ZNF285: variants seen among roughly 807,000 people sequenced by gnomAD.
ZNF285 encodes zinc finger protein 285, also known as zinc finger protein 285A.
Under a neutral mutation model 6.2 loss-of-function variants are expected in ZNF285, and 4 were observed. That is an observed-to-expected ratio of 0.65 (90% CI 0.32 to 1.49). The LOEUF (loss-of-function observed/expected upper bound fraction) is 1.49. ZNF285 is among the 40% of genes most tolerant of loss of function. The probability of loss-of-function intolerance (pLI) is 0.07; values close to 1 mark genes in which losing one functional copy is unlikely to be tolerated. For missense variants in ZNF285, 695 were observed against 708.8 expected (o/e 0.98, Z 0.22); for synonymous variants, 240 against 245.8 (o/e 0.98, Z 0.22).
intron 3 of ZNF285, 65 bp downstream of exon 3, chr19:44,392,275 T>C: frequency 1.2e-6 from 2 of 1,607,486 alleles, no homozygotes; most frequent in Non-Finnish European, 1.7e-6. Flanking sequence ...AACTGGAATA[T>C]TCTATCTGGT....
At chr19:44,391,562 G>C (rs747965894) in intron 3 of ZNF285, among the ~76,000 whole-genome samples, 2 of 151,960 alleles carry the variant, frequency 1.3e-5, no homozygotes, top group Non-Finnish European at 2.9e-5. Context: ...GAAAGCCTGT[G>C]CAGGAGAACA....
chr19:44,389,910 C>T (rs1971164256), intron 3 of ZNF285, among the ~76,000 whole-genome samples: 1 of 152,150 alleles, frequency 6.6e-6, no homozygotes, highest in South Asian at 2.1e-4. Flanking sequence ...AACACAGGAC[C>T]TAGGGCCAAA....
chr19:44,397,302 T>C, intron 1 of ZNF285, 46 bp from the exon 2 acceptor site: 1 of 1,603,172 alleles, frequency 6.2e-7, no homozygotes, highest in Non-Finnish European at 8.5e-7. Flanking sequence ...CAACAAGTTG[T>C]GAATGAACAT....
At position 44,386,630 on chromosome 19, in the gene ZNF285, G is replaced by A. The variant is rs2123257981; in HGVS notation, c.1615C>T (p.Pro539Ser). The change falls in exon 4 of 4, where the codon CCC becomes TCC. Residue 539 changes from proline (P) to serine (S), a missense_variant. By Grantham distance (74) the Pro-to-Ser change is moderately conservative. Transcript: ENST00000614994. ...TTACCACATGCCTTACACTTATAGG[G>A]CCTCTCTCCTGTGTGGACTCTGAGG... Reference protein sequence around the residue: ...VHLRVHTGERPYKCKACGKGF... With the variant: ...VHLRVHTGERSYKCKACGKGF... 1 of 1,614,138 alleles carries A rather than the reference G, an allele frequency of 6.2e-7. No homozygotes were observed. The highest frequency in any genetic ancestry group is 1.3e-5 in the African/African-American group (1 of 75,024).
chr19:44,390,856 T>C (rs1277506863), intron 3 of ZNF285, among the ~76,000 whole-genome samples: 1 of 151,940 alleles, frequency 6.6e-6, no homozygotes, highest in Non-Finnish European at 1.5e-5. Context: ...TCTGATGGTT[T>C]TAAAAAGGGG....
chr19:44,399,737 T>C (rs1038623548), intron 1 of ZNF285, among the ~76,000 whole-genome samples: 9 of 151,396 alleles, frequency 5.9e-5, no homozygotes, highest in South Asian at 2.1e-4. Flanking sequence ...AGACGGCACA[T>C]TGAAATTTGA....
In ZNF285 at chr19:44,386,613, T is replaced by G. The variant is rs1270500494; in HGVS notation, c.1632A>C (p.Ala544=). 2.5e-6 allele frequency: 4 copies of G among 1,613,988 alleles called. No homozygotes were observed. The highest frequency in any genetic ancestry group is 2.5e-6 in the Non-Finnish European group (3 of 1,180,012). Residue 544 remains alanine (A), a synonymous_variant, in exon 4 of 4, where the codon GCA becomes GCC. Coordinates refer to ENST00000614994, the MANE Select transcript of ZNF285 (RefSeq NM_152354.6). ...AATTACGACTGAAGCCCTTACCACA[T>G]GCCTTACACTTATAGGGCCTCTCTC... ...HTGERPYKCK[A]CGKGFSRNSY...
chr19:44,391,362 G>T (rs1051156205), intron 3 of ZNF285, among the ~76,000 whole-genome samples: 1 of 151,860 alleles, frequency 6.6e-6, no homozygotes, highest in African/African-American at 2.4e-5. Context: ...CCATAAAAGG[G>T]GGATAATAAC....
At chr19:44,390,237 C>T (rs142978966) in intron 3 of ZNF285, among the ~76,000 whole-genome samples, 2 of 152,244 alleles carry the variant, frequency 1.3e-5, no homozygotes, top group African/African-American at 4.8e-5. Context: ...CACTCAACAC[C>T]AGCCCATGAA....
Position 44,388,626 on chromosome 19 carries a change from G to T in ZNF285, c.143-524C>A, listed in dbSNP as rs574430361. 5.3e-5 allele frequency among the ~76,000 whole-genome samples: 8 copies of T among 151,634 alleles called. No individual in the cohort carries two copies. In the South Asian group the frequency reaches 1.0e-3, roughly 20 times the overall value. On this transcript the variant is annotated intron_variant, in intron 3 of 3. Transcript: ENST00000614994. ...ATCTTAGGAAAATTTTATGAAGGAA[G>T]AAATTCACCTCCCTGCTATAAGAGT...
chr19:44,393,230 C>T (rs1971226732), intron 2 of ZNF285, among the ~76,000 whole-genome samples: 1 of 152,058 alleles, frequency 6.6e-6, no homozygotes, highest in Non-Finnish European at 1.5e-5. Context: ...AAAATATAGA[C>T]ATGTGTGTGT....
intron 1 of ZNF285, among the ~76,000 whole-genome samples, chr19:44,400,945 T>A (rs1008365314): frequency 6.6e-6 from 1 of 152,066 alleles, no homozygotes; most frequent in Admixed American, 6.5e-5. Flanking sequence ...AGTATTACAG[T>A]CTGAGTTGTT....
rs957609094 is a variant in ZNF285, at chr19:44,385,791, G to C, written c.*681C>G. The C allele has an allele frequency of 6.6e-6, 1 of 152,368 alleles. No homozygotes were observed. The highest frequency in any genetic ancestry group is 1.5e-5 in the Non-Finnish European group (1 of 68,170). 9.4% of individuals were successfully genotyped at this position (152,368 alleles called of 1,614,324 possible). On this transcript the variant is annotated 3_prime_UTR_variant, in exon 4 of 4. Transcript: ENST00000614994. The stretch of plus-strand genomic sequence containing the variant: ...AGAGAAGCCTGAGGATGTTTGTAAA[G>C]GCTAGACCTGAAAGTGGCTTATATC...
intron 3 of ZNF285, among the ~76,000 whole-genome samples, chr19:44,391,969 GGTTT>G (rs1971203121): frequency 1.3e-5 from 2 of 152,048 alleles, no homozygotes; most frequent in African/African-American, 4.8e-5. Flanking sequence ...GATAAACATT[GGTTT>G]TTTTCTCCAG....
chr19:44,394,539 A>G (rs1321760326), intron 2 of ZNF285: 2 of 575,910 alleles, frequency 3.5e-6, no homozygotes, highest in East Asian at 6.0e-5. Flanking sequence ...TATCCCTTGA[A>G]TCTAAAATAA....
intron 3 of ZNF285, among the ~76,000 whole-genome samples, chr19:44,389,056 G>T (rs1413008992): frequency 6.7e-6 from 1 of 149,808 alleles, no homozygotes; most frequent in African/African-American, 2.5e-5. Context: ...TTTCCCCAAG[G>T]TTCTTTGTCT....
rs141226346 is a variant in ZNF285, at chr19:44,386,807, C to G, written c.1438G>C (p.Gly480Arg). Residue 480 changes from glycine (G) to arginine (R), a missense_variant, in exon 4 of 4, where the codon GGA becomes CGA. By Grantham distance (125) the Gly-to-Arg change is moderately radical. Transcript: ENST00000614994. ...VLHTHQRVHT[G>R]EKPYKCEVCG... ...ACTTCACATTTATATGGTTTTTCTC[C>G]AGTGTGAACTCTCTGATGAGTGTGA... 1.1e-3 allele frequency: 1,813 copies of G among 1,614,132 alleles called. 2 individuals are homozygous for G. The highest frequency in any genetic ancestry group is 2.1e-3 in the Admixed American group (127 of 59,994).
In ZNF285 at chr19:44,385,636, A is replaced by G. The variant is rs1971056350; in HGVS notation, c.*836T>C. On this transcript the variant is annotated 3_prime_UTR_variant, in exon 4 of 4. Transcript: ENST00000614994. ...TGCTGCAGTAATAAATAAACCACCA[A>G]AAATCTCAGTGGTGAGACACAATGA... The G allele has an allele frequency of 6.6e-6, 1 of 152,250 alleles. No homozygotes were observed. The highest frequency in any genetic ancestry group is 2.4e-5 in the African/African-American group (1 of 41,464). 9.4% of individuals were successfully genotyped at this position (152,250 alleles called of 1,614,324 possible). A position where few individuals can be genotyped will look rare whatever the true frequency, so the allele number is the denominator to read the frequency against.
chr19:44,394,575 T>C, intron 2 of ZNF285: 1 of 576,092 alleles, frequency 1.7e-6, no homozygotes, highest in Non-Finnish European at 3.0e-6. Flanking sequence ...AAAGAAAATT[T>C]TAAAAAATTA....
Sources: allele counts gnomAD v4.1 joint callset (sites outside exome capture counted in the v4.1 genomes callset), GRCh38; gene constraint gnomAD v4.1.1; transcripts MANE v1.5; gene names NCBI Gene and HGNC (gene_info 2026-07-23, HGNC 2026-07-21).